The following PIP4P2 variants were observed in gnomAD, a reference collection of about 807,000 sequenced individuals.
PIP4P2 encodes the protein phosphatidylinositol-4,5-bisphosphate 4-phosphatase 2.
A neutral mutation model predicts 33.3 loss-of-function variants in PIP4P2; 19 were observed. That is an observed-to-expected ratio of 0.57 (90% CI 0.40 to 0.84). The LOEUF is 0.84. PIP4P2 is among the 40% of genes least tolerant of loss of function. The pLI is 0.00. For synonymous variants in PIP4P2, 110 were observed against 111.9 expected, an observed-to-expected ratio of 0.98 and a Z score of 0.11; for missense variants, 270 against 324.7, an observed-to-expected ratio of 0.83 and a Z score of 1.29.
intron 1 of PIP4P2, 57 bp downstream of exon 1, chr8:91,040,587 G>A (rs1036684000): frequency 3.8e-6 from 6 of 1,588,788 alleles, no homozygotes; most frequent in South Asian, 3.3e-5. Flanking sequence ...TATCCTTCTG[G>A]GCGTTTCCTT....
chr8:91,040,812 G>T lies in PIP4P2; in HGVS notation c.-63C>A. 1 of 1,458,054 alleles carries T rather than the reference G, an allele frequency of 6.9e-7. No homozygotes were observed. The highest frequency in any genetic ancestry group is 1.2e-5 in the South Asian group (1 of 86,450). The allele number at this position is 1,458,054 out of a possible 1,614,324, so 90.3% of individuals were successfully genotyped here. A position where few individuals can be genotyped will look rare whatever the true frequency, so the allele number is the denominator to read the frequency against. On this transcript the variant is annotated 5_prime_UTR_variant, in exon 1 of 7. Transcript: ENST00000285419. Reference sequence around the variant, plus strand: ...GGGTTGCGGCCTCGGCGGAGTGGTGGCTACTGCTGCTGCCTCTGCTGCCGC... The same window carrying T: ...GGGTTGCGGCCTCGGCGGAGTGGTGTCTACTGCTGCTGCCTCTGCTGCCGC...
chr8:90,999,536 C>A (rs566737207), intron 5 of PIP4P2, among the ~76,000 whole-genome samples: 57 of 152,092 alleles, frequency 3.7e-4, no homozygotes, highest in Admixed American at 3.7e-3. Context: ...GAAAACTGTA[C>A]TCATCACTTT....
At position 91,040,668 on chromosome 8, in the gene PIP4P2, A is replaced by T; in HGVS notation, c.82T>A (p.Tyr28Asn). 2 of 1,613,666 alleles carry T rather than the reference A, an allele frequency of 1.2e-6. No homozygotes were observed. The highest frequency in any genetic ancestry group is 1.7e-6 in the Non-Finnish European group (2 of 1,180,018). ...SGNVTPTAPP[Y>N]LQESSPRAEL... ...CCTCTGGGGCTGCTTTCTTGCAAGT[A>T]CGGTGGGGCGGTGGGAGTGACATTT... Residue 28 changes from tyrosine (Y) to asparagine (N), a missense_variant, in exon 1 of 7, where the codon TAC (tyrosine) becomes AAC (asparagine). Transcript: ENST00000285419.
chr8:91,033,166 C>A (rs1033868190), intron 1 of PIP4P2, among the ~76,000 whole-genome samples: 1 of 152,170 alleles, frequency 6.6e-6, no homozygotes, highest in East Asian at 1.9e-4. Context: ...TGCTCTCCAA[C>A]CCCAAGTTTT....
Position 91,004,009 on chromosome 8 carries a change from A to G in PIP4P2, c.539+4734T>C, listed in dbSNP as rs187001472. Reference sequence around the variant, plus strand: ...TAGATAGATAGATAGATAGATAGATAGATGAAATAGATAAGAGGCAATTTA... The same window carrying G: ...TAGATAGATAGATAGATAGATAGATGGATGAAATAGATAAGAGGCAATTTA... On this transcript the variant is annotated intron_variant, in intron 5 of 6. Transcript: ENST00000285419. Among the ~76,000 whole-genome samples, 37 of 146,382 alleles carry G rather than the reference A, an allele frequency of 2.5e-4. No individual in the cohort carries two copies. The South Asian group carries it at 6.3e-3, about 25-fold the overall frequency.
chr8:91,032,096 C>T lies in PIP4P2; in HGVS notation c.106+8548G>A, dbSNP rs114340961. Among the ~76,000 whole-genome samples, 997 of 152,250 alleles carry T rather than the reference C, an allele frequency of 6.5e-3. 10 individuals carry two copies. Among genetic ancestry groups the T allele is most frequent in the African/African-American group, 0.022 (922 of 41,536 alleles). On this transcript the variant is annotated intron_variant, in intron 1 of 6. Transcript: ENST00000285419. Reference sequence around the variant, plus strand: ...CCAAGGCCAAACAGGTAGTAACTGGCGGAGATAAAAAGCCTCAGGTCTCCC... The same window carrying T: ...CCAAGGCCAAACAGGTAGTAACTGGTGGAGATAAAAAGCCTCAGGTCTCCC...
At chr8:90,996,866 C>G in intron 5 of PIP4P2, 122 bp from the exon 6 acceptor site, 1 of 759,282 alleles carries the variant, frequency 1.3e-6, no homozygotes, top group Non-Finnish European at 2.1e-6. Context: ...ATTGCTTCAA[C>G]TTTACAGACA....
intron 1 of PIP4P2, among the ~76,000 whole-genome samples, chr8:91,026,582 C>T (rs1175106861): frequency 6.6e-6 from 1 of 152,116 alleles, no homozygotes; most frequent in East Asian, 1.9e-4. Context: ...CTCCTTGATA[C>T]CTTAGAGTAA....
intron 4 of PIP4P2, among the ~76,000 whole-genome samples, chr8:91,013,094 C>T (rs1041595996): frequency 6.6e-6 from 1 of 152,148 alleles, no homozygotes; most frequent in South Asian, 2.1e-4. Context: ...AAATTCTAGC[C>T]TTGTGCTTTT....
intron 4 of PIP4P2, among the ~76,000 whole-genome samples, chr8:91,011,167 GA>G (rs1215375887): frequency 2.0e-5 from 3 of 151,944 alleles, no homozygotes; most frequent in Middle Eastern, 6.8e-3. Flanking sequence ...AGATACAAAT[GA>G]AAAAAATCTG....
At chr8:91,033,962 A>T (rs1224330360) in intron 1 of PIP4P2, among the ~76,000 whole-genome samples, 1 of 151,882 alleles carries the variant, frequency 6.6e-6, no homozygotes, top group Non-Finnish European at 1.5e-5. Context: ...TGTTTTTAAA[A>T]TAGCAAGTGT....
intron 1 of PIP4P2, among the ~76,000 whole-genome samples, chr8:91,027,730 T>C (rs1326289212): frequency 2.6e-5 from 4 of 152,206 alleles, no homozygotes; most frequent in Non-Finnish European, 5.9e-5. Flanking sequence ...GATGAAGACT[T>C]GGTCTTACAT....
chr8:91,015,139 C>T (rs541950841), intron 4 of PIP4P2, among the ~76,000 whole-genome samples: 11 of 152,162 alleles, frequency 7.2e-5, no homozygotes, highest in African/African-American at 2.4e-4. Flanking sequence ...GTTTGAAAAG[C>T]GTGTAAGAGC....
In PIP4P2 at chr8:90,994,889, A is replaced by G. The variant is rs1021678841; in HGVS notation, c.*788T>C. On this transcript the variant is annotated 3_prime_UTR_variant, in exon 7 of 7. Coordinates refer to ENST00000285419, the MANE Select transcript of PIP4P2 (RefSeq NM_018710.3). ...TGAAATACTTCCTCAAGCCTCTATA[A>G]AGGAATACATAGAGCTGATAAACAT... is the stretch of plus-strand genomic sequence containing the variant. 2 of 152,126 alleles carry G rather than the reference A, an allele frequency of 1.3e-5. No individual in the cohort carries two copies. Among genetic ancestry groups the G allele is most frequent in the Admixed American group, 6.5e-5 (1 of 15,278 alleles). 9.4% of individuals were successfully genotyped at this position (152,126 alleles called of 1,614,324 possible).
Position 90,996,754 on chromosome 8 carries a change from C to T in PIP4P2, c.540-10G>A. 1.9e-6 allele frequency: 3 copies of T among 1,590,986 alleles called. No homozygotes were observed. Among genetic ancestry groups the T allele is most frequent in the East Asian group, 2.3e-5 (1 of 43,962 alleles). ...ACTACCCACTGAGGAGCTGCAAATT[C>T]ATGAAAGCAAAAGAGAACATTAAGT... On this transcript the variant is annotated splice_polypyrimidine_tract_variant and intron_variant, in intron 5 of 6. Transcript: ENST00000285419.
intron 4 of PIP4P2, among the ~76,000 whole-genome samples, chr8:91,011,019 GAGATAGATAGATAGAT>G (rs3084284): frequency 2.4e-4 from 35 of 145,356 alleles, no homozygotes; most frequent in South Asian, 8.6e-4. Context: ...GTATCTTACT[GAGATAGATAGATAGAT>G]AGATAGATAG....
chr8:91,009,828 T>C (rs994281220), intron 4 of PIP4P2, among the ~76,000 whole-genome samples: 1 of 151,942 alleles, frequency 6.6e-6, no homozygotes, highest in African/African-American at 2.4e-5. Flanking sequence ...TCCTTTCTCT[T>C]CATTTTTATT....
chr8:91,016,185 GACAA>G lies in PIP4P2; in HGVS notation c.486+2201_486+2204del, dbSNP rs1400206327. ...AAAGGAATGCTATTAAAAAATCGGAGACAAACAAAGGCTCCTAGAAATTAAAAAT... is the reference window on the plus strand; with the variant it reads ...AAAGGAATGCTATTAAAAAATCGGAGACAAAGGCTCCTAGAAATTAAAAAT... On this transcript the variant is annotated intron_variant, in intron 4 of 6. Coordinates refer to ENST00000285419, the MANE Select transcript of PIP4P2 (RefSeq NM_018710.3). Among the ~76,000 whole-genome samples, 13 of 152,126 alleles carry G rather than the reference GACAA, an allele frequency of 8.5e-5. No homozygotes were observed. In the East Asian group the frequency reaches 1.7e-3, roughly 20 times the overall value.
intron 1 of PIP4P2, among the ~76,000 whole-genome samples, chr8:91,028,517 C>G (rs1179754381): frequency 6.6e-6 from 1 of 152,208 alleles, no homozygotes; most frequent in East Asian, 1.9e-4. Context: ...TAGCCCAGAT[C>G]CAACTCACAG....
Sources: gnomAD v4.1 joint callset for allele counts (sites outside exome capture counted in the v4.1 genomes callset) on GRCh38, gnomAD v4.1.1 for gene constraint, MANE v1.5 for transcripts, NCBI Gene and HGNC (gene_info 2026-07-23, HGNC 2026-07-21) for gene names.